BPI: variants seen among roughly 807,000 people sequenced by gnomAD.
BPI encodes the protein bactericidal permeability-increasing protein.
In BPI, 48 loss-of-function variants were observed where a neutral mutation model predicts 57.6. The observed-to-expected ratio is 0.83, with a 90% CI of 0.66 to 1.06. BPI has a LOEUF of 1.06. BPI is among the 50% of genes least tolerant of loss of function. The pLI, the probability that BPI is intolerant of heterozygous loss-of-function variation, is 0.00. For missense variants in BPI, 651 were observed against 609.7 expected, an observed-to-expected ratio of 1.07 and a Z score of -0.71; for synonymous variants, 237 against 238.2, an observed-to-expected ratio of 0.99 and a Z score of 0.05.
At chr20:38,330,566 A>G (rs895455834) in intron 11 of BPI, among the ~76,000 whole-genome samples, 3 of 152,228 alleles carry the variant, frequency 2.0e-5, no homozygotes, top group African/African-American at 4.8e-5. Flanking sequence ...CAGGTGCTCA[A>G]ATGATATCCT....
chr20:38,334,216 C>T (rs2076755759), intron 12 of BPI, among the ~76,000 whole-genome samples: 1 of 152,220 alleles, frequency 6.6e-6, no homozygotes, highest in African/African-American at 2.4e-5. Flanking sequence ...CATCTGGAAC[C>T]ATTGGAGCAA....
intron 10 of BPI, 72 bp from the exon 11 acceptor site, chr20:38,327,516 C>T (rs1300283920): frequency 1.9e-6 from 3 of 1,556,854 alleles, no homozygotes; most frequent in Non-Finnish European, 1.8e-6. Context: ...GAAGCTGACC[C>T]TTCTTGGTTT....
rs781007339 is a variant in BPI at position 38,304,328 on chromosome 20, G to T, written c.105G>T (p.Arg35Ser). The change falls in exon 1 of 15, where the codon AGG becomes AGT. Residue 35 changes from arginine to serine, a missense_variant. By Grantham distance (110) the Arg-to-Ser change is moderately radical (BLOSUM62 -1). Transcript: ENST00000642449. ...CCGTCAACCCTGGCGTCGTGGTCAG[G>T]ATCTCCCAGAAGGGCCTGGACTACG... Reference protein sequence around the residue: ...TAAVNPGVVVRISQKGLDYAS... With the variant: ...TAAVNPGVVVSISQKGLDYAS... 1 of 1,613,934 alleles carries T rather than the reference G, an allele frequency of 6.2e-7. No homozygotes were observed. Among genetic ancestry groups the T allele is most frequent in the Admixed American group, 1.7e-5 (1 of 60,022 alleles).
chr20:38,317,761 C>A, intron 5 of BPI: 1 of 1,308,782 alleles, frequency 7.6e-7, no homozygotes, highest in Non-Finnish European at 1.1e-6. Context: ...TTCCGTTTTA[C>A]AGATGAAGAA....
chr20:38,304,638 C>T (rs1447207185), intron 1 of BPI, among the ~76,000 whole-genome samples: 1 of 152,204 alleles, frequency 6.6e-6, no homozygotes, highest in East Asian at 1.9e-4. Flanking sequence ...TATGTAACCT[C>T]CACCTTTGAC....
intron 5 of BPI, chr20:38,317,842 C>T (rs1167289869): frequency 8.7e-6 from 13 of 1,498,602 alleles, no homozygotes; most frequent in Non-Finnish European, 1.2e-5. Flanking sequence ...CAGATTTTCT[C>T]AGGCTAGTGT....
intron 3 of BPI, 136 bp downstream of exon 3, chr20:38,309,194 T>C: frequency 7.8e-7 from 1 of 1,283,856 alleles, no homozygotes; most frequent in South Asian, 1.4e-5. Context: ...CTCAGGAAAT[T>C]CTTCACATGA....
At position 38,324,849 on chromosome 20, in the gene BPI, C is replaced by T. The variant is rs765106272; in HGVS notation, c.993+16C>T. 9 of 1,605,966 alleles carry T rather than the reference C, an allele frequency of 5.6e-6. No homozygotes were observed. In the South Asian group the frequency reaches 9.9e-5, roughly 18 times the overall value. On this transcript the variant is annotated intron_variant, in intron 9 of 14. Coordinates refer to ENST00000642449, the MANE Select transcript of BPI (RefSeq NM_001725.3). ...CCTACCTGAGGTATGGAAGACCTTG[C>T]TTTCCTTTAGTGAGCCCCGGGGGTT...
chr20:38,306,587 G>A (rs1477449696), intron 1 of BPI, among the ~76,000 whole-genome samples: 2 of 152,182 alleles, frequency 1.3e-5, no homozygotes. Flanking sequence ...GTTCCCAGAG[G>A]AAGTGATGAA....
chr20:38,320,420 G>T, intron 7 of BPI, 146 bp downstream of exon 7: 1 of 732,854 alleles, frequency 1.4e-6, no homozygotes, highest in South Asian at 1.9e-5. Context: ...GCCTCTCCCT[G>T]CTCCAGTCAC....
intron 8 of BPI, 55 bp from the exon 9 acceptor site, chr20:38,324,719 T>C: frequency 6.9e-7 from 1 of 1,448,080 alleles, no homozygotes; most frequent in African/African-American, 1.4e-5. Flanking sequence ...ACTCACCCCC[T>C]CTGCTCCGTC....
chr20:38,304,496 G>T, intron 1 of BPI, 143 bp downstream of exon 1: 2 of 1,211,468 alleles, frequency 1.7e-6, no homozygotes, highest in African/African-American at 1.5e-5. Context: ...TATATATGAA[G>T]AAACTGAGGC....
At chr20:38,315,315 G>A (rs2076646905) in intron 5 of BPI, among the ~76,000 whole-genome samples, 1 of 152,160 alleles carries the variant, frequency 6.6e-6, no homozygotes, top group Non-Finnish European at 1.5e-5. Flanking sequence ...AATGAATGAA[G>A]GAATGAAATG....
At chr20:38,320,614 G>A (rs975371134) in intron 7 of BPI, among the ~76,000 whole-genome samples, 4 of 146,558 alleles carry the variant, frequency 2.7e-5, no homozygotes, top group African/African-American at 1.0e-4. Context: ...GACCACTCTC[G>A]CTGAAATAGC....
At chr20:38,304,927 C>T (rs1252731214) in intron 1 of BPI, among the ~76,000 whole-genome samples, 1 of 152,200 alleles carries the variant, frequency 6.6e-6, no homozygotes, top group Non-Finnish European at 1.5e-5. Context: ...CACACAGTCT[C>T]TTTTACCCTC....
At chr20:38,313,713 G>GTGGTGAT (rs1313147717) in intron 5 of BPI, among the ~76,000 whole-genome samples, 1 of 151,962 alleles carries the variant, frequency 6.6e-6, no homozygotes, top group Admixed American at 6.6e-5. Flanking sequence ...GTAATGGTGG[G>GTGGTGAT]GATGATGGTG....
chr20:38,320,341 C>T, intron 7 of BPI, 67 bp downstream of exon 7: 1 of 1,440,980 alleles, frequency 6.9e-7, no homozygotes, highest in Non-Finnish European at 9.6e-7. Flanking sequence ...GCTCCCCAGT[C>T]CTTGGAAACA....
At chr20:38,326,756 T>G (rs1312396417) in intron 10 of BPI, among the ~76,000 whole-genome samples, 2 of 152,260 alleles carry the variant, frequency 1.3e-5, no homozygotes, top group African/African-American at 4.8e-5. Flanking sequence ...CATTCAATTA[T>G]GCATTTGTGT....
chr20:38,318,599 C>T, intron 6 of BPI, 123 bp downstream of exon 6: 1 of 996,942 alleles, frequency 1.0e-6, no homozygotes, highest in Non-Finnish European at 1.6e-6. Flanking sequence ...TGGGAATGAG[C>T]AGAGTAGTAC....
Sources: allele counts gnomAD v4.1 joint callset (sites outside exome capture counted in the v4.1 genomes callset), GRCh38; gene constraint gnomAD v4.1.1; transcripts MANE v1.5; gene names NCBI Gene and HGNC (gene_info 2026-07-23, HGNC 2026-07-21).